Variants in ATG5 observed in about 807,000 individuals in gnomAD.
ATG5 encodes autophagy related 5.
Under a neutral mutation model 36.5 loss-of-function variants are expected in ATG5, and 14 were observed. The observed-to-expected ratio is 0.38, with a 90% CI of 0.25 to 0.60. The LOEUF (loss-of-function observed/expected upper bound fraction) is 0.60, where lower values mean the gene tolerates loss of function less well. ATG5 is among the 20% of genes least tolerant of loss of function. ATG5 has a pLI of 0.60. For missense variants in ATG5, 195 were observed against 326.7 expected (o/e 0.60, Z 3.11); for synonymous variants, 95 against 101.5 (o/e 0.94, Z 0.38).
At chr6:106,219,489 G>A (rs1466094926) in intron 6 of ATG5, among the ~76,000 whole-genome samples, 1 of 152,072 alleles carries the variant, frequency 6.6e-6, no homozygotes, top group Non-Finnish European at 1.5e-5. Context: ...ACATGTACAG[G>A]CTTTTTTTCT....
chr6:106,246,388 TCTCTCACACACACACA>T (rs1159662286), intron 6 of ATG5, among the ~76,000 whole-genome samples: 2 of 95,556 alleles, frequency 2.1e-5, no homozygotes, highest in African/African-American at 9.5e-5. Flanking sequence ...TCTCTCTCTC[TCTCTCACACACACACA>T]CACACACACA....
chr6:106,260,396 G>A (rs1245545296), intron 5 of ATG5, among the ~76,000 whole-genome samples: 6 of 152,268 alleles, frequency 3.9e-5, no homozygotes, highest in East Asian at 1.9e-4. Flanking sequence ...TCCTTCTAAC[G>A]GGAAAGAGAG....
chr6:106,215,395 G>A (rs1016956706), intron 6 of ATG5, among the ~76,000 whole-genome samples: 1 of 152,074 alleles, frequency 6.6e-6, no homozygotes, highest in Non-Finnish European at 1.5e-5. Flanking sequence ...TGTGGTGAAC[G>A]CTAAAGTTTA....
At chr6:106,188,739 A>C (rs956534231) in intron 7 of ATG5, among the ~76,000 whole-genome samples, 14 of 152,196 alleles carry the variant, frequency 9.2e-5, no homozygotes, top group Admixed American at 7.9e-4. Flanking sequence ...CTGGTTTAGA[A>C]GCTGGGGCCA....
intron 6 of ATG5, among the ~76,000 whole-genome samples, chr6:106,231,518 G>A (rs551499363): frequency 3.5e-4 from 53 of 152,296 alleles, no homozygotes; most frequent in Middle Eastern, 6.8e-3. Flanking sequence ...GTGCTAGAAG[G>A]ACTAAGGAAA....
chr6:106,212,639 G>A (rs1257846105), intron 6 of ATG5, among the ~76,000 whole-genome samples: 1 of 152,098 alleles, frequency 6.6e-6, no homozygotes, highest in Non-Finnish European at 1.5e-5. Flanking sequence ...GCGAGACTCC[G>A]TATATTAAAC....
In ATG5 at chr6:106,316,598, T is replaced by C. The variant is rs574324869; in HGVS notation, c.-58-332A>G. On this transcript the variant is annotated intron_variant, in intron 1 of 7. Coordinates refer to ENST00000369076, the MANE Select transcript of ATG5 (RefSeq NM_004849.4). ...GTCTACTGCTTACCTAAAGAGGAGC[T>C]TCACCTATACCCTGTGAATCCTGAC... 1.1e-4 allele frequency among the ~76,000 whole-genome samples: 17 copies of C among 152,246 alleles called. No individual in the cohort carries two copies. In the South Asian group the frequency reaches 2.7e-3, roughly 24 times the overall value.
intron 2 of ATG5, among the ~76,000 whole-genome samples, chr6:106,314,449 T>C (rs979477315): frequency 3.3e-5 from 5 of 152,008 alleles, no homozygotes; most frequent in Non-Finnish European, 7.4e-5. Flanking sequence ...CCTAGTTACT[T>C]GGGAAGCTGA....
At chr6:106,255,296 T>C (rs1778758122) in intron 5 of ATG5, among the ~76,000 whole-genome samples, 1 of 152,144 alleles carries the variant, frequency 6.6e-6, no homozygotes, top group Non-Finnish European at 1.5e-5. Flanking sequence ...GACATAAGCA[T>C]GATGGGGGAA....
intron 5 of ATG5, among the ~76,000 whole-genome samples, chr6:106,252,742 C>CT (rs1778644296): frequency 6.6e-6 from 1 of 152,162 alleles, no homozygotes; most frequent in Admixed American, 6.5e-5. Flanking sequence ...ATTCAGCTGG[C>CT]TAGGACCCTC....
intron 6 of ATG5, among the ~76,000 whole-genome samples, chr6:106,216,689 T>G (rs1396230563): frequency 6.6e-6 from 1 of 152,174 alleles, no homozygotes; most frequent in Non-Finnish European, 1.5e-5. Context: ...TAACTTAGAA[T>G]TCAGTGACTC....
chr6:106,287,683 T>G (rs1259165354), intron 4 of ATG5, among the ~76,000 whole-genome samples: 1 of 152,206 alleles, frequency 6.6e-6, no homozygotes, highest in East Asian at 1.9e-4. Context: ...CTGGGCATTT[T>G]AAAGACCCCA....
intron 5 of ATG5, among the ~76,000 whole-genome samples, chr6:106,254,460 C>T (rs1778723752): frequency 1.3e-5 from 2 of 152,130 alleles, no homozygotes; most frequent in East Asian, 1.9e-4. Flanking sequence ...ATAGTACATA[C>T]TCAACGAATG....
In ATG5 at chr6:106,185,967, T is replaced by C. The variant is rs1292043720; in HGVS notation, c.*573A>G. On this transcript the variant is annotated 3_prime_UTR_variant, in exon 8 of 8. Transcript: ENST00000369076. ...GGCTTTATTTAAAAATCTCTCACTG[T>C]TCATTATCAAAGTTACAAGATTGCA... The C allele has an allele frequency of 2.0e-5, 3 of 152,838 alleles. No homozygotes were observed. The highest frequency in any genetic ancestry group is 4.8e-5 in the African/African-American group (2 of 41,464). 9.5% of individuals were successfully genotyped at this position (152,838 alleles called of 1,614,324 possible). A position where few individuals can be genotyped will look rare whatever the true frequency, so the allele number is the denominator to read the frequency against.
chr6:106,323,061 A>G (rs1018359380), intron 1 of ATG5, among the ~76,000 whole-genome samples: 38 of 151,660 alleles, frequency 2.5e-4, no homozygotes, highest in Non-Finnish European at 4.6e-4. Context: ...TGGGACTACA[A>G]GCGCTTGCCA....
At chr6:106,250,359 A>T (rs888387839) in intron 5 of ATG5, among the ~76,000 whole-genome samples, 1 of 152,250 alleles carries the variant, frequency 6.6e-6, no homozygotes, top group Admixed American at 6.5e-5. Flanking sequence ...GACTCGCAGT[A>T]TATTAGAAAT....
At chr6:106,207,907 TA>T (rs1200409129) in intron 6 of ATG5, among the ~76,000 whole-genome samples, 5 of 151,988 alleles carry the variant, frequency 3.3e-5, no homozygotes, top group Non-Finnish European at 7.4e-5. Context: ...GCCTGGCCAA[TA>T]TAGTGAAACC....
intron 6 of ATG5, among the ~76,000 whole-genome samples, chr6:106,245,901 C>G (rs1306050393): frequency 1.3e-5 from 2 of 152,142 alleles, no homozygotes; most frequent in South Asian, 2.1e-4. Flanking sequence ...AAGTCAGCAA[C>G]AGAAATCTGA....
intron 5 of ATG5, among the ~76,000 whole-genome samples, chr6:106,267,981 T>C (rs1331406267): frequency 6.6e-6 from 1 of 152,120 alleles, no homozygotes; most frequent in Admixed American, 6.5e-5. Flanking sequence ...AAAACCAAAA[T>C]TGACAAATGG....
Sources: allele counts gnomAD v4.1 joint callset (sites outside exome capture counted in the v4.1 genomes callset), GRCh38; gene constraint gnomAD v4.1.1; transcripts MANE v1.5; gene names NCBI Gene and HGNC (gene_info 2026-07-23, HGNC 2026-07-21).